Variants in FBXL7 observed in about 807,000 individuals in gnomAD.
FBXL7 encodes the protein F-box and leucine rich repeat protein 7.
A neutral mutation model predicts 38.3 loss-of-function variants in FBXL7; 12 were observed. The ratio of observed to expected loss-of-function variants is 0.31; its 90% confidence interval spans 0.20 to 0.51. FBXL7 has a LOEUF of 0.51. Among genes scored for constraint, FBXL7 ranks in the 20% least tolerant of loss-of-function variants. FBXL7 has a pLI of 0.98. For missense variants in FBXL7, 567 were observed against 676.4 expected, an observed-to-expected ratio of 0.84 and a Z score of 1.79; for synonymous variants, 297 against 300.9, an observed-to-expected ratio of 0.99 and a Z score of 0.13.
chr5:15,621,972 A>G (rs1339786179), intron 2 of FBXL7, among the ~76,000 whole-genome samples: 1 of 152,216 alleles, frequency 6.6e-6, no homozygotes, highest in African/African-American at 2.4e-5. Flanking sequence ...GTTACGTGCT[A>G]AAAGATGCAA....
intron 2 of FBXL7, among the ~76,000 whole-genome samples, chr5:15,886,231 A>G (rs1045621161): frequency 4.6e-5 from 7 of 150,948 alleles, no homozygotes; most frequent in Non-Finnish European, 8.8e-5. Context: ...GTGTGTGTGC[A>G]TGCAAATGTA....
intron 2 of FBXL7, among the ~76,000 whole-genome samples, chr5:15,704,984 A>T (rs1025999079): frequency 4.6e-5 from 7 of 151,902 alleles, no homozygotes; most frequent in African/African-American, 1.7e-4. Flanking sequence ...AAAAAAATTA[A>T]ATATATATAT....
chr5:15,923,974 A>G (rs1741814213), intron 2 of FBXL7, among the ~76,000 whole-genome samples: 2 of 152,032 alleles, frequency 1.3e-5, no homozygotes, highest in South Asian at 2.1e-4. Flanking sequence ...CTGTGCCCTC[A>G]CAGCTGCTAA....
chr5:15,566,668 C>T (rs1321531091), intron 1 of FBXL7, among the ~76,000 whole-genome samples: 1 of 152,044 alleles, frequency 6.6e-6, no homozygotes, highest in Non-Finnish European at 1.5e-5. Flanking sequence ...CATATTTTAT[C>T]GCAAATGAAT....
At chr5:15,825,861 G>A (rs1738296045) in intron 2 of FBXL7, among the ~76,000 whole-genome samples, 1 of 152,204 alleles carries the variant, frequency 6.6e-6, no homozygotes, top group South Asian at 2.1e-4. Context: ...TTATTTTAGA[G>A]AGGAAGAAAA....
At chr5:15,915,520 C>T (rs761970433) in intron 2 of FBXL7, among the ~76,000 whole-genome samples, 37 of 152,318 alleles carry the variant, frequency 2.4e-4, no homozygotes, top group Non-Finnish European at 4.9e-4. Context: ...CTTATGAAGA[C>T]ACTAGTCATA....
chr5:15,825,051 T>C (rs958530320), intron 2 of FBXL7, among the ~76,000 whole-genome samples: 2 of 152,216 alleles, frequency 1.3e-5, no homozygotes, highest in Non-Finnish European at 2.9e-5. Context: ...TATTATAAAC[T>C]CAATGGGTTT....
At chr5:15,665,183 C>T (rs1742229315) in intron 2 of FBXL7, among the ~76,000 whole-genome samples, 1 of 152,070 alleles carries the variant, frequency 6.6e-6, no homozygotes, top group Admixed American at 6.6e-5. Flanking sequence ...TCTTGAATAC[C>T]AGCACCACTG....
rs1023035745 is a variant in FBXL7 at position 15,920,479 on chromosome 5, T to C, written c.128-7411T>C. On this transcript the variant is annotated intron_variant, in intron 2 of 3. Transcript: ENST00000504595. ...TGTATATTCCTTGCCATCTACTCTGTGTATCTTCCTGCAGACATCAATGTG... is the reference window on the plus strand; with the variant it reads ...TGTATATTCCTTGCCATCTACTCTGCGTATCTTCCTGCAGACATCAATGTG... 2.6e-5 allele frequency among the ~76,000 whole-genome samples: 4 copies of C among 152,230 alleles called. No homozygotes were observed. The East Asian group carries it at 7.7e-4, about 29-fold the overall frequency.
At chr5:15,845,836 T>C (rs1738882398) in intron 2 of FBXL7, among the ~76,000 whole-genome samples, 1 of 152,066 alleles carries the variant, frequency 6.6e-6, no homozygotes, top group Admixed American at 6.5e-5. Flanking sequence ...CCGGGCGTGG[T>C]GGCGGGTGCC....
At position 15,781,065 on chromosome 5, in the gene FBXL7, C is replaced by T. The variant is rs368560357; in HGVS notation, c.128-146825C>T. On this transcript the variant is annotated intron_variant, in intron 2 of 3. Transcript: ENST00000504595. ...TGGATGCAGTTGTGACAGTGATTCC[C>T]AAGGCCCTCTGCTATCATCTCTCTT... Among the ~76,000 whole-genome samples the T allele has an allele frequency of 3.3e-5, 5 of 152,142 alleles. No homozygotes were observed. In the East Asian group the frequency reaches 5.8e-4, roughly 18 times the overall value.
At chr5:15,826,524 T>C (rs533356203) in intron 2 of FBXL7, among the ~76,000 whole-genome samples, 7 of 152,282 alleles carry the variant, frequency 4.6e-5, no homozygotes, top group South Asian at 2.1e-4. Context: ...GTTCTAGTGA[T>C]TCTTGTGCCT....
chr5:15,889,902 C>CA (rs148831880), intron 2 of FBXL7, among the ~76,000 whole-genome samples: 1,630 of 151,882 alleles, frequency 0.011, 19 homozygotes, highest in African/African-American at 0.037. Flanking sequence ...AATACACAAA[C>CA]AAAAAAAACC....
chr5:15,808,281 G>T (rs1737768437), intron 2 of FBXL7, among the ~76,000 whole-genome samples: 1 of 151,838 alleles, frequency 6.6e-6, no homozygotes, highest in South Asian at 2.1e-4. Context: ...TCTCTTGTAG[G>T]TCAAATTTTT....
At chr5:15,707,803 C>G (rs929656880) in intron 2 of FBXL7, among the ~76,000 whole-genome samples, 15 of 152,164 alleles carry the variant, frequency 9.9e-5, no homozygotes, top group Non-Finnish European at 1.8e-4. Context: ...CTTGCAGCAT[C>G]TGGGTGTGCT....
At chr5:15,655,766 G>T (rs1398964149) in intron 2 of FBXL7, among the ~76,000 whole-genome samples, 1 of 152,146 alleles carries the variant, frequency 6.6e-6, no homozygotes, top group Non-Finnish European at 1.5e-5. Flanking sequence ...AGACTTACGT[G>T]TCCATTAGAC....
chr5:15,512,405 C>T (rs1322047984), intron 1 of FBXL7, among the ~76,000 whole-genome samples: 2 of 152,188 alleles, frequency 1.3e-5, no homozygotes, highest in African/African-American at 4.8e-5. Context: ...TGTAACCCTC[C>T]TCACACTGTA....
intron 2 of FBXL7, among the ~76,000 whole-genome samples, chr5:15,677,139 G>T (rs1051478393): frequency 3.0e-4 from 45 of 152,128 alleles, no homozygotes; most frequent in African/African-American, 1.0e-3. Flanking sequence ...TTCTTTTTGG[G>T]GTAGAGAAGT....
At chr5:15,539,543 A>G (rs1010069065) in intron 1 of FBXL7, among the ~76,000 whole-genome samples, 4 of 152,032 alleles carry the variant, frequency 2.6e-5, no homozygotes, top group African/African-American at 7.2e-5. Context: ...AGAAGCTTCT[A>G]TTGATGAGGG....
Sources: allele counts gnomAD v4.1 joint callset (sites outside exome capture counted in the v4.1 genomes callset), GRCh38; gene constraint gnomAD v4.1.1; transcripts MANE v1.5; gene names NCBI Gene and HGNC (gene_info 2026-07-23, HGNC 2026-07-21).